The following TENM4 variants were observed in gnomAD, a reference collection of about 807,000 sequenced individuals.
TENM4 encodes teneurin transmembrane protein 4.
TENM4 carries 82 observed loss-of-function variants against 243.3 expected under a neutral mutation model. That is an observed-to-expected ratio of 0.34 (90% CI 0.28 to 0.40). The LOEUF is 0.40. Ranked by LOEUF, TENM4 falls within the 10% of genes least tolerant of loss-of-function variation. TENM4 has a pLI of 1.00. For synonymous variants in TENM4, 1,412 were observed against 1,456.3 expected (o/e 0.97, Z 0.69); for missense variants, 3,138 against 3,673.3 (o/e 0.85, Z 3.77).
intron 6 of TENM4, chr11:78,903,905 G>C: frequency 2.0e-6 from 1 of 509,466 alleles, no homozygotes; most frequent in Non-Finnish European, 3.8e-6. Flanking sequence ...ACTTGTTAGA[G>C]ATGAAAATAA....
At chr11:78,983,186 T>C (rs933303946) in intron 6 of TENM4, among the ~76,000 whole-genome samples, 8 of 152,328 alleles carry the variant, frequency 5.3e-5, no homozygotes, top group Admixed American at 2.0e-4. Flanking sequence ...TCTATTCACA[T>C]TTGTTAGTCA....
chr11:78,856,278 A>C, intron 10 of TENM4, 100 bp from the exon 11 acceptor site: 1 of 1,017,962 alleles, frequency 9.8e-7, no homozygotes, highest in Non-Finnish European at 1.4e-6. Context: ...CCTTAGCCTC[A>C]CATCCTTCTC....
At chr11:78,828,186 C>T (rs1857900427) in intron 12 of TENM4, among the ~76,000 whole-genome samples, 1 of 152,222 alleles carries the variant, frequency 6.6e-6, no homozygotes, top group South Asian at 2.1e-4. Context: ...TACTTCCTTG[C>T]TGATTTCTGT....
intron 6 of TENM4, among the ~76,000 whole-genome samples, chr11:79,055,136 A>AC (rs1281330309): frequency 2.0e-5 from 3 of 151,888 alleles, no homozygotes; most frequent in Non-Finnish European, 4.4e-5. Flanking sequence ...TCAAAAAAAA[A>AC]AAAAACCTGT....
intron 4 of TENM4, among the ~76,000 whole-genome samples, chr11:79,104,505 A>G (rs1024857181): frequency 6.6e-6 from 1 of 152,148 alleles, no homozygotes; most frequent in Non-Finnish European, 1.5e-5. Context: ...TTACTATACC[A>G]TGAGTATCTT....
chr11:78,907,217 A>T (rs1856081793), intron 6 of TENM4, among the ~76,000 whole-genome samples: 1 of 151,678 alleles, frequency 6.6e-6, no homozygotes, highest in Non-Finnish European at 1.5e-5. Context: ...CCAAAGAGCA[A>T]ATGTTTCCTC....
In TENM4 at chr11:79,360,649, T is replaced by C. The variant is rs1172403718; in HGVS notation, c.-320-63106A>G. On this transcript the variant is annotated intron_variant, in intron 1 of 33. Coordinates refer to ENST00000278550, the MANE Select transcript of TENM4 (RefSeq NM_001098816.3). ...ACAATGATGGAGCTAAATGCCTCTG[T>C]TTGGTATTTTAATAGACTGTCAGAT... 2.6e-5 allele frequency among the ~76,000 whole-genome samples: 4 copies of C among 152,188 alleles called. No homozygotes were observed. In the East Asian group the frequency reaches 7.7e-4, roughly 29 times the overall value.
At chr11:78,719,076 A>G (rs969946824) in intron 25 of TENM4, among the ~76,000 whole-genome samples, 4 of 152,132 alleles carry the variant, frequency 2.6e-5, no homozygotes, top group African/African-American at 9.7e-5. Flanking sequence ...TACTACTACT[A>G]CTATTTCTGG....
At chr11:79,380,713 C>G (rs1482977336) in intron 1 of TENM4, among the ~76,000 whole-genome samples, 2 of 152,150 alleles carry the variant, frequency 1.3e-5, no homozygotes, top group Non-Finnish European at 2.9e-5. Context: ...GCCAAGCACT[C>G]CAAGGATGCT....
chr11:79,315,934 C>T (rs919598871), intron 1 of TENM4, among the ~76,000 whole-genome samples: 7 of 152,230 alleles, frequency 4.6e-5, no homozygotes, highest in Non-Finnish European at 1.5e-5. Flanking sequence ...ATTACTTTTC[C>T]TGCCATTACG....
chr11:79,384,740 A>T (rs1196626719), intron 1 of TENM4, among the ~76,000 whole-genome samples: 1 of 152,002 alleles, frequency 6.6e-6, no homozygotes, highest in Non-Finnish European at 1.5e-5. Context: ...AGCCTGGCCA[A>T]CATGATGAAA....
At chr11:79,114,937 T>G (rs548072726) in intron 4 of TENM4, among the ~76,000 whole-genome samples, 1 of 152,316 alleles carries the variant, frequency 6.6e-6, no homozygotes, top group South Asian at 2.1e-4. Flanking sequence ...ACATGTTTAT[T>G]AAGCATCTTG....
chr11:79,379,088 C>G (rs139994245), intron 1 of TENM4, among the ~76,000 whole-genome samples: 1 of 152,232 alleles, frequency 6.6e-6, no homozygotes, highest in East Asian at 1.9e-4. Context: ...GCACATTTTG[C>G]TGGCAGAGAC....
chr11:79,073,448 C>T (rs1176185901), intron 4 of TENM4, among the ~76,000 whole-genome samples: 1 of 151,996 alleles, frequency 6.6e-6, no homozygotes, highest in Non-Finnish European at 1.5e-5. Flanking sequence ...GCTTGGTATC[C>T]GGTGCTCACA....
chr11:79,240,179 A>G (rs533347138), intron 2 of TENM4, among the ~76,000 whole-genome samples: 12 of 152,162 alleles, frequency 7.9e-5, no homozygotes, highest in African/African-American at 2.9e-4. Flanking sequence ...AACAGCACCT[A>G]CCTCACAGGG....
intron 4 of TENM4, among the ~76,000 whole-genome samples, chr11:79,109,304 T>C (rs1012339155): frequency 1.3e-5 from 2 of 152,154 alleles, no homozygotes; most frequent in African/African-American, 4.8e-5. Context: ...TGAAGCACCC[T>C]TGGAGGGCTT....
At chr11:79,124,370 G>A (rs1389485747) in intron 4 of TENM4, among the ~76,000 whole-genome samples, 1 of 152,062 alleles carries the variant, frequency 6.6e-6, no homozygotes. Flanking sequence ...TCAGCTTCCT[G>A]GCTAGAATAT....
intron 4 of TENM4, among the ~76,000 whole-genome samples, chr11:79,080,592 C>A (rs533564291): frequency 6.6e-6 from 1 of 152,284 alleles, no homozygotes; most frequent in Admixed American, 6.5e-5. Context: ...CCCCCTGCAC[C>A]CCTTTCTCCT....
intron 6 of TENM4, among the ~76,000 whole-genome samples, chr11:78,948,052 T>C (rs1857038735): frequency 6.6e-6 from 1 of 152,152 alleles, no homozygotes; most frequent in African/African-American, 2.4e-5. Flanking sequence ...CTCTAGCCAA[T>C]CTAAGTACAG....
Sources: allele counts gnomAD v4.1 joint callset (sites outside exome capture counted in the v4.1 genomes callset), GRCh38; gene constraint gnomAD v4.1.1; transcripts MANE v1.5; gene names NCBI Gene and HGNC (gene_info 2026-07-23, HGNC 2026-07-21).